Variants in EPHB1 observed in about 807,000 individuals in gnomAD.
EPHB1 encodes the protein ephrin type-B receptor 1.
A neutral mutation model predicts 94.4 loss-of-function variants in EPHB1; 30 were observed. The ratio of observed to expected loss-of-function variants is 0.32; its 90% confidence interval spans 0.24 to 0.43. The LOEUF (loss-of-function observed/expected upper bound fraction) is 0.43. EPHB1 is among the 20% of genes least tolerant of loss of function. EPHB1 has a pLI of 1.00. For missense variants in EPHB1, 1,055 were observed against 1,308.3 expected, an observed-to-expected ratio of 0.81 and a Z score of 2.99; for synonymous variants, 522 against 489.1, an observed-to-expected ratio of 1.07 and a Z score of -0.89.
chr3:135,075,285 G>T (rs1356207019), intron 3 of EPHB1, among the ~76,000 whole-genome samples: 1 of 152,142 alleles, frequency 6.6e-6, no homozygotes, highest in Non-Finnish European at 1.5e-5. Flanking sequence ...CAGACATCTA[G>T]AGTGCCAGAG....
intron 12 of EPHB1, among the ~76,000 whole-genome samples, chr3:135,235,147 T>A (rs1469760798): frequency 1.3e-5 from 2 of 152,218 alleles, no homozygotes; most frequent in African/African-American, 2.4e-5. Context: ...CGAGCATTGA[T>A]GATTTGAATG....
chr3:134,959,966 C>CTTTTTTTTTTTTTTTTTTTTT (rs61369813), intron 3 of EPHB1, among the ~76,000 whole-genome samples: 2 of 107,424 alleles, frequency 1.9e-5, no homozygotes. Context: ...ACATCTGCAC[C>CTTTTTTTTTTTTTTTTTTTTT]TTTTTTTTTT....
chr3:135,032,232 A>T (rs12496566), intron 3 of EPHB1, among the ~76,000 whole-genome samples: 38,201 of 150,158 alleles, frequency 0.25, 6,319 homozygotes, highest in East Asian at 0.71. Context: ...GACTTCTCAG[A>T]TGGATTCTTT....
At chr3:134,873,894 G>A (rs550930832) in intron 1 of EPHB1, among the ~76,000 whole-genome samples, 1 of 152,306 alleles carries the variant, frequency 6.6e-6, no homozygotes, top group African/African-American at 2.4e-5. Flanking sequence ...TAATCCTATT[G>A]TGAGGTCATG....
At chr3:135,245,513 C>CAAAAAAAAAAAAAAAAAAAAAAAAAAAAA (rs57521935) in intron 13 of EPHB1, among the ~76,000 whole-genome samples, 1 of 124,046 alleles carries the variant, frequency 8.1e-6, no homozygotes, top group Non-Finnish European at 1.6e-5. Context: ...GAACAGTCTT[C>CAAAAAAAAAAAAAAAAAAAAAAAAAAAAA]AAAAAAAAAA....
chr3:135,108,301 G>A (rs1366713390), intron 4 of EPHB1, among the ~76,000 whole-genome samples: 2 of 152,186 alleles, frequency 1.3e-5, no homozygotes, highest in Admixed American at 6.5e-5. Flanking sequence ...AAAACATATA[G>A]TGCACTAAGA....
At chr3:134,985,791 C>T (rs1934574979) in intron 3 of EPHB1, among the ~76,000 whole-genome samples, 1 of 152,158 alleles carries the variant, frequency 6.6e-6, no homozygotes, top group Admixed American at 6.6e-5. Context: ...CTTCCAAAAA[C>T]ATCTGCCTCC....
At chr3:134,926,638 G>A (rs1381619117) in intron 2 of EPHB1, among the ~76,000 whole-genome samples, 1 of 152,196 alleles carries the variant, frequency 6.6e-6, no homozygotes, top group Non-Finnish European at 1.5e-5. Context: ...TGGTGTGAAT[G>A]CTGCTGAGAT....
chr3:135,190,814 G>A (rs1426506015), intron 10 of EPHB1, among the ~76,000 whole-genome samples: 1 of 152,212 alleles, frequency 6.6e-6, no homozygotes, highest in Non-Finnish European at 1.5e-5. Flanking sequence ...TAATAAATAT[G>A]ATACAACAAC....
At chr3:134,970,258 G>A (rs1933916095) in intron 3 of EPHB1, among the ~76,000 whole-genome samples, 3 of 152,146 alleles carry the variant, frequency 2.0e-5, no homozygotes, top group African/African-American at 7.2e-5. Context: ...TTACACTTAG[G>A]TCTATAATCA....
At chr3:135,034,968 T>C (rs1936600892) in intron 3 of EPHB1, among the ~76,000 whole-genome samples, 1 of 152,154 alleles carries the variant, frequency 6.6e-6, no homozygotes, top group East Asian at 1.9e-4. Context: ...AGAGAAACCT[T>C]GAGTATGAAA....
intron 9 of EPHB1, among the ~76,000 whole-genome samples, chr3:135,169,997 G>A (rs563985929): frequency 6.6e-6 from 1 of 152,208 alleles, no homozygotes; most frequent in Non-Finnish European, 1.5e-5. Flanking sequence ...TGATCCGAAT[G>A]TGTGCACATA....
intron 2 of EPHB1, among the ~76,000 whole-genome samples, chr3:134,938,372 G>A (rs2039049974): frequency 6.6e-6 from 1 of 152,314 alleles, no homozygotes; most frequent in Non-Finnish European, 1.5e-5. Flanking sequence ...TGTGAAATAT[G>A]CCGGAGTATA....
At chr3:135,010,564 T>C (rs1353526241) in intron 3 of EPHB1, among the ~76,000 whole-genome samples, 7 of 128,584 alleles carry the variant, frequency 5.4e-5, no homozygotes, top group Non-Finnish European at 1.1e-4. Context: ...TTCTGTTTTT[T>C]TTTTTTTTTT....
intron 3 of EPHB1, among the ~76,000 whole-genome samples, chr3:135,058,025 C>T (rs759691770): frequency 3.1e-4 from 47 of 152,290 alleles, no homozygotes; most frequent in Admixed American, 7.2e-4. Flanking sequence ...GTAAAGCTGG[C>T]GTGGGTTCTC....
At chr3:135,196,905 T>A (rs185034318) in intron 11 of EPHB1, among the ~76,000 whole-genome samples, 3 of 152,090 alleles carry the variant, frequency 2.0e-5, no homozygotes, top group Non-Finnish European at 4.4e-5. Flanking sequence ...CATAATTAAA[T>A]TTTTCCTTCT....
intron 1 of EPHB1, among the ~76,000 whole-genome samples, chr3:134,850,699 T>C (rs566126120): frequency 6.6e-6 from 1 of 152,222 alleles, no homozygotes; most frequent in South Asian, 2.1e-4. Flanking sequence ...TTTGGAAATG[T>C]GTGCCTGAGC....
At chr3:135,071,949 A>G (rs1937731226) in intron 3 of EPHB1, among the ~76,000 whole-genome samples, 1 of 152,158 alleles carries the variant, frequency 6.6e-6, no homozygotes, top group Admixed American at 6.6e-5. Flanking sequence ...TCTGCTCAAC[A>G]TCTTTGCCAG....
At chr3:135,161,995 C>T (rs1941521027) in intron 6 of EPHB1, 23 bp from the exon 7 acceptor site, 1 of 1,592,348 alleles carries the variant, frequency 6.3e-7, no homozygotes, top group Non-Finnish European at 8.6e-7. Context: ...GGGATAGTGA[C>T]CCTTTCCCTT....
Sources: allele counts gnomAD v4.1 joint callset (sites outside exome capture counted in the v4.1 genomes callset), GRCh38; gene constraint gnomAD v4.1.1; transcripts MANE v1.5; gene names NCBI Gene and HGNC (gene_info 2026-07-23, HGNC 2026-07-21).